The following JAK2 variants were observed in gnomAD, a reference collection of about 807,000 sequenced individuals.
JAK2 encodes Janus kinase 2, also known as tyrosine-protein kinase JAK2.
A neutral mutation model predicts 139.3 loss-of-function variants in JAK2; 86 were observed. The ratio of observed to expected loss-of-function variants is 0.62; its 90% CI spans 0.52 to 0.74. JAK2 has a LOEUF of 0.74. Ranked by LOEUF, JAK2 falls within the 30% of genes least tolerant of loss-of-function variation. JAK2 has a pLI of 0.00. For synonymous variants in JAK2, 490 were observed against 437.7 expected (o/e 1.12, Z -1.49); for missense variants, 1,421 against 1,360.3 (o/e 1.04, Z -0.70).
At chr9:5,122,098 G>A (rs1175623464) in intron 22 of JAK2, among the ~76,000 whole-genome samples, 2 of 152,162 alleles carry the variant, frequency 1.3e-5, no homozygotes, top group Admixed American at 6.5e-5. Flanking sequence ...AATAAGACCT[G>A]GAGTAGGCAG....
chr9:5,069,695 A>C (rs528654665), intron 11 of JAK2, among the ~76,000 whole-genome samples: 1 of 152,292 alleles, frequency 6.6e-6, no homozygotes, highest in South Asian at 2.1e-4. Flanking sequence ...CAAAATCCAA[A>C]TTACATTAGT....
At chr9:4,989,419 G>A (rs1161777529) in intron 2 of JAK2, among the ~76,000 whole-genome samples, 1 of 151,884 alleles carries the variant, frequency 6.6e-6, no homozygotes, top group Non-Finnish European at 1.5e-5. Context: ...CAAGTTGATT[G>A]TGTATTCTTT....
chr9:5,000,907 T>C (rs939863302), intron 2 of JAK2, among the ~76,000 whole-genome samples: 11 of 152,240 alleles, frequency 7.2e-5, no homozygotes, highest in African/African-American at 2.7e-4. Context: ...GGTTCTTTCC[T>C]GTTTCTAGGA....
At chr9:5,000,583 A>G (rs1028413782) in intron 2 of JAK2, among the ~76,000 whole-genome samples, 5 of 152,306 alleles carry the variant, frequency 3.3e-5, no homozygotes, top group Admixed American at 6.5e-5. Context: ...TGTTATGCCA[A>G]CTTTTAGGAG....
rs1253282982 is a variant in JAK2, at chr9:5,119,256, T to C, written c.3060-3748T>C. ...AGTCACTAAATATATTAATAATATG[T>C]GATTTTTTTAAAACCTGAGAAACAA... On this transcript the variant is annotated intron_variant, in intron 22 of 24. Transcript: ENST00000381652. Among the ~76,000 whole-genome samples, 10 of 152,270 alleles carry C rather than the reference T, an allele frequency of 6.6e-5. No individual in the cohort carries two copies. In the East Asian group the frequency reaches 1.9e-3, roughly 29 times the overall value.
intron 19 of JAK2, chr9:5,084,870 C>A: frequency 2.6e-6 from 1 of 387,652 alleles, no homozygotes; most frequent in Non-Finnish European, 5.0e-6. Context: ...AACAAATTGC[C>A]CATCAATAAG....
chr9:5,093,961 C>G (rs1185692076), intron 22 of JAK2, among the ~76,000 whole-genome samples: 11 of 152,032 alleles, frequency 7.2e-5, no homozygotes, highest in Admixed American at 7.2e-4. Flanking sequence ...ATAAAGTGCC[C>G]TCCCCCCATA....
chr9:5,061,263 A>G (rs543008471), intron 8 of JAK2, among the ~76,000 whole-genome samples: 11 of 152,224 alleles, frequency 7.2e-5, no homozygotes, highest in Non-Finnish European at 1.3e-4. Context: ...GGGTCAGCCT[A>G]TCCTTTGAAG....
At chr9:5,055,132 A>C (rs556399846) in intron 7 of JAK2, among the ~76,000 whole-genome samples, 39 of 152,156 alleles carry the variant, frequency 2.6e-4, no homozygotes, top group South Asian at 1.0e-3. Context: ...AAAGATGTCA[A>C]ATTCTAAAAG....
rs186035146 is a variant in JAK2 at position 4,985,951 on chromosome 9, A to T, written c.-97A>T. ...GCTTCTGTTTTTAGGTTTCAGAAGC[A>T]GGCAACAGGAACAAGATGTGAACTG... On this transcript the variant is annotated 5_prime_UTR_variant, in exon 2 of 25. Coordinates refer to ENST00000381652, the MANE Select transcript of JAK2 (RefSeq NM_004972.4). The T allele has an allele frequency of 6.5e-6, 1 of 152,918 alleles. No homozygotes were observed. The highest frequency in any genetic ancestry group is 1.5e-5 in the Non-Finnish European group (1 of 68,056). The allele number at this position is 152,918 out of a possible 1,614,324, so 9.5% of individuals were successfully genotyped here.
chr9:4,996,866 A>G (rs1021235576), intron 2 of JAK2, among the ~76,000 whole-genome samples: 13 of 151,218 alleles, frequency 8.6e-5, no homozygotes, highest in African/African-American at 2.9e-4. Flanking sequence ...TAAAAGTAAC[A>G]CTGTATTAGG....
At chr9:5,000,771 T>A (rs1820881617) in intron 2 of JAK2, among the ~76,000 whole-genome samples, 1 of 152,238 alleles carries the variant, frequency 6.6e-6, no homozygotes, top group South Asian at 2.1e-4. Context: ...TCTTCTTGTT[T>A]GATATATTTG....
chr9:5,080,488 T>G, intron 17 of JAK2, 45 bp from the exon 18 acceptor site: 1 of 1,549,360 alleles, frequency 6.5e-7, no homozygotes, highest in Non-Finnish European at 8.7e-7. Flanking sequence ...AAGGTTGGTG[T>G]GGCATTACAC....
chr9:5,003,762 A>G (rs1213408935), intron 2 of JAK2, among the ~76,000 whole-genome samples: 1 of 152,086 alleles, frequency 6.6e-6, no homozygotes, highest in East Asian at 1.9e-4. Context: ...TCATGATTTT[A>G]GACATGATTG....
chr9:5,032,497 A>G (rs1823235665), intron 4 of JAK2, among the ~76,000 whole-genome samples: 1 of 152,222 alleles, frequency 6.6e-6, no homozygotes, highest in African/African-American at 2.4e-5. Context: ...GGCACCCCCA[A>G]GTAGGGGGAG....
chr9:5,102,243 T>G (rs1208187286), intron 22 of JAK2, among the ~76,000 whole-genome samples: 1 of 152,140 alleles, frequency 6.6e-6, no homozygotes, highest in Non-Finnish European at 1.5e-5. Context: ...ACAGGACGCA[T>G]GCACAAGCTT....
intron 3 of JAK2, among the ~76,000 whole-genome samples, chr9:5,028,327 A>G (rs1182717138): frequency 2.0e-5 from 3 of 152,346 alleles, no homozygotes; most frequent in South Asian, 2.1e-4. Context: ...TTAGGTCTCA[A>G]CGGTGGCTTA....
chr9:5,065,389 T>G (rs1818497251), intron 9 of JAK2, among the ~76,000 whole-genome samples: 1 of 152,200 alleles, frequency 6.6e-6, no homozygotes, highest in African/African-American at 2.4e-5. Context: ...TTGAAAATTC[T>G]TTATGTTTGG....
chr9:5,115,187 G>C (rs1301269823), intron 22 of JAK2, among the ~76,000 whole-genome samples: 1 of 152,026 alleles, frequency 6.6e-6, no homozygotes, highest in African/African-American at 2.4e-5. Flanking sequence ...CTAATATCAA[G>C]AATCTACAAA....
Sources: gnomAD v4.1 joint callset for allele counts (sites outside exome capture counted in the v4.1 genomes callset) on GRCh38, gnomAD v4.1.1 for gene constraint, MANE v1.5 for transcripts, NCBI Gene and HGNC (gene_info 2026-07-23, HGNC 2026-07-21) for gene names.